MYO1F: variants seen among roughly 807,000 people sequenced by gnomAD.
The protein encoded by MYO1F is myosin IF, also known as unconventional myosin-If.
Under a neutral mutation model 146.6 loss-of-function variants are expected in MYO1F, and 60 were observed. The ratio of observed to expected loss-of-function variants is 0.41; its 90% CI spans 0.33 to 0.51. MYO1F has a LOEUF of 0.51. Among genes scored for constraint, MYO1F ranks in the 20% least tolerant of loss-of-function variants. The probability of loss-of-function intolerance (pLI) is 0.25; values close to 1 mark genes in which losing one functional copy is unlikely to be tolerated. For missense variants in MYO1F, 1,274 were observed against 1,534.3 expected (o/e 0.83, Z 2.83); for synonymous variants, 602 against 602.1 (o/e 1.00, Z 0.00).
intron 25 of MYO1F, among the ~76,000 whole-genome samples, chr19:8,523,247 A>C (rs572488649): frequency 5.6e-4 from 85 of 152,158 alleles, no homozygotes; most frequent in African/African-American, 1.8e-3. Context: ...GTTAGCCAGG[A>C]TGGTCTCGAT....
rs116615240 is a variant in MYO1F at position 8,552,241 on chromosome 19, G to A, written c.505-77C>T. 4,121 of 1,472,424 alleles carry A rather than the reference G, an allele frequency of 2.8e-3. 92 individuals carry two copies. In the African/African-American group the frequency reaches 0.05, roughly 18 times the overall value. The allele number at this position is 1,472,424 out of a possible 1,614,324, so 91.2% of individuals were successfully genotyped here. On this transcript the variant is annotated intron_variant, in intron 6 of 27. Transcript: ENST00000644032. ...GGGAAGGGTTGGGGATGGGTCTTAT[G>A]AGCCTTGCCTCTCTTCCCTTCTTCC...
At chr19:8,558,224 C>G (rs143662273) in intron 1 of MYO1F, among the ~76,000 whole-genome samples, 1 of 151,876 alleles carries the variant, frequency 6.6e-6, no homozygotes, top group African/African-American at 2.4e-5. Flanking sequence ...AGTGCAGTGG[C>G]GGGATCATAG....
intron 4 of MYO1F, 121 bp downstream of exon 4, chr19:8,554,356 G>C (rs1176071597): frequency 9.6e-6 from 8 of 830,802 alleles, no homozygotes; most frequent in Non-Finnish European, 1.5e-5. Flanking sequence ...CAGAGTGAGG[G>C]CAGAGAGGGA....
intron 1 of MYO1F, among the ~76,000 whole-genome samples, chr19:8,564,139 G>A (rs1024737372): frequency 6.6e-6 from 1 of 152,042 alleles, no homozygotes; most frequent in Non-Finnish European, 1.5e-5. Flanking sequence ...CCAGCACTTT[G>A]GGAGGCCAAG....
chr19:8,536,871 G>A lies in MYO1F; in HGVS notation c.1799+78C>T. 3.8e-6 allele frequency: 4 copies of A among 1,056,382 alleles called. No homozygotes were observed. The South Asian group carries it at 5.1e-5, about 14-fold the overall frequency. The allele number at this position is 1,056,382 out of a possible 1,614,324, so 65.4% of individuals were successfully genotyped here. A position where few individuals can be genotyped will look rare whatever the true frequency, so the allele number is the denominator to read the frequency against. On this transcript the variant is annotated intron_variant, in intron 17 of 27. Transcript: ENST00000644032. ...CCCTGGGTCATCCTACAGGAGGTCA[G>A]GGAGGTGTCTCGGTCAGTTCTAGGG...
intron 14 of MYO1F, chr19:8,544,033 TG>T (rs1973217928): frequency 2.4e-4 from 120 of 493,442 alleles, no homozygotes; most frequent in Admixed American, 3.8e-4. Flanking sequence ...GCGGTGGCGG[TG>T]GCGGTGCTGG....
chr19:8,540,119 C>A (rs563516715), intron 15 of MYO1F, 91 bp from the exon 16 acceptor site: 3 of 943,890 alleles, frequency 3.2e-6, no homozygotes, highest in Non-Finnish European at 4.9e-6. Flanking sequence ...AATGCCGCAA[C>A]GCAAAATATG....
intron 25 of MYO1F, 131 bp downstream of exon 25, chr19:8,525,348 A>T (rs1032184938): frequency 2.6e-6 from 2 of 781,578 alleles, no homozygotes; most frequent in African/African-American, 3.4e-5. Flanking sequence ...GGAGATGTGG[A>T]GCTACGGAGA....
At chr19:8,558,988 G>A (rs1429650805) in intron 1 of MYO1F, among the ~76,000 whole-genome samples, 2 of 151,986 alleles carry the variant, frequency 1.3e-5, no homozygotes, top group Non-Finnish European at 2.9e-5. Flanking sequence ...AAGCGAGCCT[G>A]TCACCTCGGC....
Position 8,550,361 on chromosome 19 carries a change from C to T in MYO1F, c.905-5G>A, listed in dbSNP as rs767888256. ...GGTAGGCGGGAAAGGCCAGGACTAC[C>T]AGGGCAAAGGTCAGGGCAAAAATGG... On this transcript the variant is annotated splice_polypyrimidine_tract_variant and splice_region_variant and intron_variant, in intron 9 of 27. Coordinates refer to ENST00000644032, the MANE Select transcript of MYO1F (RefSeq NM_012335.4). The T allele has an allele frequency of 3.7e-5, 59 of 1,609,068 alleles. No homozygotes were observed. Among genetic ancestry groups the T allele is most frequent in the Non-Finnish European group, 4.8e-5 (56 of 1,177,848 alleles).
chr19:8,574,529 CCCTTTCTT>C (rs2042167643), intron 1 of MYO1F, among the ~76,000 whole-genome samples: 1 of 139,538 alleles, frequency 7.2e-6, no homozygotes, highest in African/African-American at 2.7e-5. Flanking sequence ...CTTCTTTTTT[CCCTTTCTT>C]TCTTTCTTTC....
chr19:8,553,654 C>T (rs1207121988), intron 4 of MYO1F, among the ~76,000 whole-genome samples: 5 of 152,042 alleles, frequency 3.3e-5, no homozygotes, highest in Admixed American at 2.0e-4. Context: ...GGGCGGATCA[C>T]TTGAGGTCAA....
At chr19:8,556,058 T>G (rs1334373985) in intron 1 of MYO1F, among the ~76,000 whole-genome samples, 1 of 151,584 alleles carries the variant, frequency 6.6e-6, no homozygotes, top group East Asian at 2.0e-4. Context: ...AGACAGAGTC[T>G]CACTCTGTCA....
Position 8,522,432 on chromosome 19 carries a change from T to C in MYO1F, c.3165A>G (p.Gln1055=), listed in dbSNP as rs1458189077. The C allele has an allele frequency of 1.9e-6, 3 of 1,614,090 alleles. No individual in the cohort carries two copies. Among genetic ancestry groups the C allele is most frequent in the Admixed American group, 1.7e-5 (1 of 60,006 alleles). The change falls in exon 27 of 28, where the codon CAA becomes CAG. Residue 1055 remains glutamine (Q), a synonymous_variant. Transcript: ENST00000644032. The part of the protein sequence containing the change: ...RCRALYQYVG[Q]DVDELSFNVN... Reference sequence around the variant, plus strand: ...CGTTGAAGCTCAGCTCGTCCACATCTTGGCCCACGTACTGGTATAGGGCCC... The same window carrying C: ...CGTTGAAGCTCAGCTCGTCCACATCCTGGCCCACGTACTGGTATAGGGCCC...
At chr19:8,568,734 A>G (rs1476870314) in intron 1 of MYO1F, among the ~76,000 whole-genome samples, 1 of 152,112 alleles carries the variant, frequency 6.6e-6, no homozygotes, top group Non-Finnish European at 1.5e-5. Flanking sequence ...CAGCCTGGCC[A>G]ACATGGTGAA....
In MYO1F at chr19:8,544,463, C is replaced by T; in HGVS notation, c.1358G>A (p.Ser453Asn). 1 of 1,608,150 alleles carries T rather than the reference C, an allele frequency of 6.2e-7. No individual in the cohort carries two copies. Among genetic ancestry groups the T allele is most frequent in the South Asian group, 1.1e-5 (1 of 91,026 alleles). The change falls in exon 14 of 28, where the codon AGC becomes AAC. Residue 453 changes from serine (S) to asparagine (N), a missense_variant and splice_region_variant. Ser to Asn is a conservative substitution (Grantham distance 46). Transcript: ENST00000644032. ...CAAGACGCTCATGATGCCTGGGGGG[C>T]TCTGCGGGGCGAGCGGGAGCCAGCA... is the stretch of plus-strand genomic sequence containing the variant. ...VVCDLIENKLSPPGIMSVLDD... is the reference protein window; with the variant it reads ...VVCDLIENKLNPPGIMSVLDD...
At chr19:8,532,903 T>TATATAC (rs1972545379) in intron 19 of MYO1F, among the ~76,000 whole-genome samples, 1 of 113,164 alleles carries the variant, frequency 8.8e-6, no homozygotes, top group Non-Finnish European at 1.8e-5. Flanking sequence ...AAAAAAAAAA[T>TATATAC]ACACACACAC....
intron 1 of MYO1F, among the ~76,000 whole-genome samples, chr19:8,558,938 G>C (rs1351648065): frequency 6.6e-6 from 1 of 152,100 alleles, no homozygotes; most frequent in East Asian, 1.9e-4. Flanking sequence ...GAGTGCAGTG[G>C]TGAGACCACG....
intron 1 of MYO1F, among the ~76,000 whole-genome samples, chr19:8,567,431 C>T (rs1227884088): frequency 6.6e-6 from 1 of 151,892 alleles, no homozygotes; most frequent in Admixed American, 6.6e-5. Flanking sequence ...TGCAGTGGCA[C>T]GATCTCAGCT....
Sources: gnomAD v4.1 joint callset for allele counts (sites outside exome capture counted in the v4.1 genomes callset) on GRCh38, gnomAD v4.1.1 for gene constraint, MANE v1.5 for transcripts, NCBI Gene and HGNC (gene_info 2026-07-23, HGNC 2026-07-21) for gene names.